Variants in CDCA8 observed in about 807,000 individuals in gnomAD.
CDCA8 encodes the protein cell division cycle associated 8.
CDCA8 carries 25 observed loss-of-function variants against 40.0 expected under a neutral mutation model. The ratio of observed to expected loss-of-function variants is 0.63; its 90% confidence interval spans 0.46 to 0.87. CDCA8 has a LOEUF of 0.87. Ranked by LOEUF, CDCA8 falls within the 40% of genes least tolerant of loss-of-function variation. The pLI, the probability that CDCA8 is intolerant of heterozygous loss-of-function variation, is 0.00. For missense variants in CDCA8, 280 were observed against 348.4 expected (o/e 0.80, Z 1.56); for synonymous variants, 111 against 126.5 (o/e 0.88, Z 0.82).
In CDCA8 at chr1:37,692,862, G is replaced by A. The variant is rs371414920; in HGVS notation, c.95-43G>A. 3 of 1,612,832 alleles carry A rather than the reference G, an allele frequency of 1.9e-6. No homozygotes were observed. In the South Asian group the frequency reaches 3.3e-5, roughly 18 times the overall value. On this transcript the variant is annotated intron_variant, in intron 1 of 9. Coordinates refer to ENST00000373055, the MANE Select transcript of CDCA8 (RefSeq NM_001256875.2). ...GTGGGGACACGAGCTGCACAGATTC[G>A]CCCGCCCGTGACCCGTGTCCTGTCG... is the stretch of plus-strand genomic sequence containing the variant.
intron 5 of CDCA8, 107 bp from the exon 6 acceptor site, chr1:37,701,647 C>G (rs1645564714): frequency 1.5e-6 from 1 of 651,194 alleles, no homozygotes; most frequent in Non-Finnish European, 2.7e-6. Context: ...TTAGTATTAA[C>G]TATCCAAAGC....
At chr1:37,705,669 T>C (rs1452214455) in intron 8 of CDCA8, 102 bp downstream of exon 8, 2 of 1,379,922 alleles carry the variant, frequency 1.4e-6, no homozygotes, top group Non-Finnish European at 2.0e-6. Context: ...GTCCTTTCAG[T>C]GCGTGGGTCC....
At position 37,706,403 on chromosome 1, in the gene CDCA8, C is replaced by T. The variant is rs138928948; in HGVS notation, c.712-575C>T. ...GATTACAGGTGCAAGCCACCACACC[C>T]GGCCTCCATCTGTTCATCAACTAAC... On this transcript the variant is annotated intron_variant, in intron 8 of 9. Coordinates refer to ENST00000373055, the MANE Select transcript of CDCA8 (RefSeq NM_001256875.2). 1.9e-3 allele frequency among the ~76,000 whole-genome samples: 293 copies of T among 152,324 alleles called. 2 individuals carry two copies. The highest frequency in any genetic ancestry group is 4.3e-3 in the African/African-American group (178 of 41,570).
rs775543662 is a variant in CDCA8, at chr1:37,701,796, CAAGGAA to C, written c.477_482del (p.Gly161_Lys162del). The C allele has an allele frequency of 1.6e-5, 26 of 1,612,676 alleles. No individual in the cohort carries two copies. The highest frequency in any genetic ancestry group is 1.0e-4 in the Admixed American group (6 of 59,900). ...ATCCAAGAAGAGAACTCAGTCCATA[CAAGGAA>C]AAGGAAAAGGGAAAAGGTAGTGGAT... On this transcript the variant is annotated inframe_deletion, in exon 6 of 10. Coordinates refer to ENST00000373055, the MANE Select transcript of CDCA8 (RefSeq NM_001256875.2).
rs1645606059 is a variant in CDCA8 at position 37,706,958 on chromosome 1, C to G, written c.712-20C>G. On this transcript the variant is annotated intron_variant, in intron 8 of 9. Coordinates refer to ENST00000373055, the MANE Select transcript of CDCA8 (RefSeq NM_001256875.2). ...CCCTAAGGGCCATGGCCAGTTTAACCCACTCCCCTTTCTATTCAGAGCCTG... is the reference window on the plus strand; with the variant it reads ...CCCTAAGGGCCATGGCCAGTTTAACGCACTCCCCTTTCTATTCAGAGCCTG... The G allele has an allele frequency of 6.2e-7, 1 of 1,607,690 alleles. No homozygotes were observed. The highest frequency in any genetic ancestry group is 1.3e-5 in the African/African-American group (1 of 74,934).
At chr1:37,706,022 G>C (rs1271259883) in intron 8 of CDCA8, among the ~76,000 whole-genome samples, 1 of 151,018 alleles carries the variant, frequency 6.6e-6, no homozygotes, top group Admixed American at 6.6e-5. Flanking sequence ...CGTTGGCCAG[G>C]ATGGTCTCGA....
chr1:37,695,644 G>A (rs1425846514), intron 2 of CDCA8, among the ~76,000 whole-genome samples: 1 of 152,132 alleles, frequency 6.6e-6, no homozygotes, highest in African/African-American at 2.4e-5. Context: ...TTGGGGTGAT[G>A]TTTGAGCTGA....
rs1645469991 is a variant in CDCA8, at chr1:37,692,516, G to C, written c.-175G>C. ...AGTTTGAATTGGGTGGCGGTTGACT[G>C]TAGAGCCGCTCTCTCTCACTGGCAC... On this transcript the variant is annotated 5_prime_UTR_variant, in exon 1 of 10. Coordinates refer to ENST00000373055, the MANE Select transcript of CDCA8 (RefSeq NM_001256875.2). 1 of 621,448 alleles carries C rather than the reference G, an allele frequency of 1.6e-6. No individual in the cohort carries two copies. Among genetic ancestry groups the C allele is most frequent in the Admixed American group, 2.8e-5 (1 of 36,320 alleles). The allele number at this position is 621,448 out of a possible 1,614,324, so 38.5% of individuals were successfully genotyped here.
intron 1 of CDCA8, 28 bp downstream of exon 1, chr1:37,692,812 TG>T (rs1340845253): frequency 1.2e-6 from 2 of 1,612,528 alleles, no homozygotes; most frequent in Non-Finnish European, 1.7e-6. Context: ...CGCGGCCTCC[TG>T]GGGCGGTCGC....
chr1:37,694,767 G>T (rs1645515054), intron 2 of CDCA8, among the ~76,000 whole-genome samples: 1 of 152,204 alleles, frequency 6.6e-6, no homozygotes, highest in Non-Finnish European at 1.5e-5. Context: ...TTTGAACCCA[G>T]GTATTCTGGT....
intron 7 of CDCA8, 105 bp downstream of exon 7, chr1:37,703,452 A>C: frequency 1.0e-4 from 86 of 846,360 alleles, no homozygotes; most frequent in Middle Eastern, 2.5e-4. Context: ...ACGGTAGCTC[A>C]CGCCTGTAAT....
At chr1:37,699,875 ATGCCAC>A (rs1304460394) in intron 4 of CDCA8, among the ~76,000 whole-genome samples, 1 of 152,022 alleles carries the variant, frequency 6.6e-6, no homozygotes, top group Non-Finnish European at 1.5e-5. Context: ...AGCTGAGATC[ATGCCAC>A]TGCACTCTAG....
chr1:37,692,687 C>T lies in CDCA8; in HGVS notation c.-4C>T. The T allele has an allele frequency of 6.2e-7, 1 of 1,611,602 alleles. No individual in the cohort carries two copies. Among genetic ancestry groups the T allele is most frequent in the Non-Finnish European group, 8.5e-7 (1 of 1,179,114 alleles). On this transcript the variant is annotated 5_prime_UTR_variant, in exon 1 of 10. Coordinates refer to ENST00000373055, the MANE Select transcript of CDCA8 (RefSeq NM_001256875.2). ...GCCGCTCCCCGCAGCCTCCGCCGAG[C>T]GCCATGGCTCCTAGGAAGGGCAGTA...
chr1:37,697,750 T>C (rs1050094229), intron 3 of CDCA8, among the ~76,000 whole-genome samples: 1 of 152,248 alleles, frequency 6.6e-6, no homozygotes, highest in African/African-American at 2.4e-5. Context: ...CTCCATAAAA[T>C]GCCAGTTGTT....
At chr1:37,707,915 G>T (rs1645613401) in intron 9 of CDCA8, among the ~76,000 whole-genome samples, 1 of 152,218 alleles carries the variant, frequency 6.6e-6, no homozygotes, top group African/African-American at 2.4e-5. Context: ...ATCATCTTGG[G>T]TGGTGGATGA....
intron 2 of CDCA8, 42 bp downstream of exon 2, chr1:37,693,075 C>T (rs758966650): frequency 1.2e-6 from 2 of 1,603,602 alleles, no homozygotes; most frequent in African/African-American, 2.7e-5. Flanking sequence ...CCAGGAGCCC[C>T]TTGGGGTTAG....
At chr1:37,708,241 G>C (rs1645616079) in intron 9 of CDCA8, 81 bp from the exon 10 acceptor site, 1 of 1,209,462 alleles carries the variant, frequency 8.3e-7, no homozygotes, top group African/African-American at 1.5e-5. Context: ...GAATGGAGGG[G>C]CTCAGGCTGA....
At chr1:37,693,238 G>A (rs1159792794) in intron 2 of CDCA8, among the ~76,000 whole-genome samples, 1 of 135,312 alleles carries the variant, frequency 7.4e-6, no homozygotes, top group Admixed American at 7.3e-5. Context: ...GGGGGGCGGC[G>A]GGCGGGGCGG....
rs540414291 is a variant in CDCA8 at position 37,696,290 on chromosome 1, G to A, written c.264+340G>A. The stretch of plus-strand genomic sequence containing the variant: ...GATGATAAAGGTGTTTCATCATGTC[G>A]TACTGTAGAAGCAGTGCTTTTGCTT... On this transcript the variant is annotated intron_variant, in intron 3 of 9. Transcript: ENST00000373055. The surrounding 1 kb of genome is among the most constrained non-coding windows in gnomAD (Gnocchi z 5.0). Among the ~76,000 whole-genome samples the A allele has an allele frequency of 2.0e-5, 3 of 152,162 alleles. No homozygotes were observed. In the East Asian group the frequency reaches 5.8e-4, roughly 29 times the overall value.
Sources: gnomAD v4.1 joint callset for allele counts (sites outside exome capture counted in the v4.1 genomes callset) on GRCh38, gnomAD v4.1.1 for gene constraint, Gnocchi (gnomAD v3.1) non-coding constraint, MANE v1.5 for transcripts, NCBI Gene and HGNC (gene_info 2026-07-23, HGNC 2026-07-21) for gene names.